ARF4: variants seen among roughly 807,000 people sequenced by gnomAD.
ARF4 encodes the protein ADP-ribosylation factor 4.
Under a neutral mutation model 24.3 loss-of-function variants are expected in ARF4, and 5 were observed. That is an observed-to-expected ratio of 0.21 (90% CI 0.11 to 0.43). The LOEUF is 0.43. ARF4 is among the 20% of genes least tolerant of loss of function. The probability of loss-of-function intolerance (pLI) is 1.00; values close to 1 mark genes in which losing one functional copy is unlikely to be tolerated. For missense variants in ARF4, 107 were observed against 213.0 expected (o/e 0.50, Z 3.10); for synonymous variants, 62 against 73.5 (o/e 0.84, Z 0.80).
At chr3:57,588,714 T>G (rs2070068184) in intron 1 of ARF4, among the ~76,000 whole-genome samples, 2 of 117,330 alleles carry the variant, frequency 1.7e-5, no homozygotes, top group Non-Finnish European at 3.5e-5. Context: ...CCCAGCATGT[T>G]GGGAGGCTGA....
chr3:57,579,806 C>G lies in ARF4; in HGVS notation c.259-2419G>C, dbSNP rs1276905429. On this transcript the variant is annotated intron_variant, in intron 3 of 5. Coordinates refer to ENST00000303436, the MANE Select transcript of ARF4 (RefSeq NM_001660.4). ...CCTGGAAAACCATCACTTTAAATATCCTATCCTTTGAGAAAACTTTTGGCT... is the reference window on the plus strand; with the variant it reads ...CCTGGAAAACCATCACTTTAAATATGCTATCCTTTGAGAAAACTTTTGGCT... Among the ~76,000 whole-genome samples, 5 of 152,186 alleles carry G rather than the reference C, an allele frequency of 3.3e-5. No individual in the cohort carries two copies. The South Asian group carries it at 1.0e-3, about 32-fold the overall frequency.
At chr3:57,581,652 T>A (rs954039726) in intron 3 of ARF4, among the ~76,000 whole-genome samples, 1 of 152,002 alleles carries the variant, frequency 6.6e-6, no homozygotes, top group Non-Finnish European at 1.5e-5. Context: ...AATACAAAAT[T>A]AGCCAGGTGT....
chr3:57,581,557 T>G (rs1437057776), intron 3 of ARF4, among the ~76,000 whole-genome samples: 1 of 152,180 alleles, frequency 6.6e-6, no homozygotes, highest in Non-Finnish European at 1.5e-5. Context: ...TCCCAGCACT[T>G]TGGGAAGCCC....
intron 5 of ARF4, among the ~76,000 whole-genome samples, chr3:57,573,474 T>C (rs2153408303): frequency 6.6e-6 from 1 of 152,316 alleles, no homozygotes; most frequent in Non-Finnish European, 1.5e-5. Flanking sequence ...ATTATTTGAA[T>C]ACCAAATCTC....
intron 3 of ARF4, 27 bp downstream of exon 3, chr3:57,583,871 G>C (rs1484919997): frequency 2.0e-6 from 3 of 1,477,894 alleles, no homozygotes; most frequent in Non-Finnish European, 9.3e-7. Flanking sequence ...ACAAAGAAAA[G>C]TTATAAAAAC....
At chr3:57,591,756 C>T (rs778793839) in intron 1 of ARF4, among the ~76,000 whole-genome samples, 3 of 152,082 alleles carry the variant, frequency 2.0e-5, no homozygotes, top group Non-Finnish European at 4.4e-5. Context: ...TGAGCCACCG[C>T]GCCCGGCCAT....
chr3:57,593,064 G>A (rs1404322948), intron 1 of ARF4, among the ~76,000 whole-genome samples: 7 of 151,950 alleles, frequency 4.6e-5, no homozygotes, highest in African/African-American at 1.7e-4. Context: ...AAAATTAGCC[G>A]GGCATAGTGG....
chr3:57,587,653 AG>A (rs768683146), intron 1 of ARF4, among the ~76,000 whole-genome samples: 31 of 152,194 alleles, frequency 2.0e-4, no homozygotes, highest in Non-Finnish European at 4.1e-4. Flanking sequence ...CGACTGCTTG[AG>A]GGCTTTAAAT....
intron 1 of ARF4, among the ~76,000 whole-genome samples, chr3:57,585,100 G>A (rs1171590128): frequency 6.6e-6 from 1 of 152,144 alleles, no homozygotes; most frequent in Non-Finnish European, 1.5e-5. Context: ...CTGGCCTCAA[G>A]TGATCTGCCA....
chr3:57,579,062 C>T (rs145261753), intron 3 of ARF4, among the ~76,000 whole-genome samples: 2,536 of 151,674 alleles, frequency 0.017, 66 homozygotes, highest in African/African-American at 0.058. Flanking sequence ...TCTGGGAGGC[C>T]GAGGCAGGTG....
At chr3:57,581,977 C>T (rs1037600902) in intron 3 of ARF4, among the ~76,000 whole-genome samples, 4 of 152,120 alleles carry the variant, frequency 2.6e-5, no homozygotes, top group Non-Finnish European at 5.9e-5. Flanking sequence ...CAAAACTTCC[C>T]GAGCACCAAC....
chr3:57,578,337 TG>T, intron 3 of ARF4, among the ~76,000 whole-genome samples: 1 of 151,410 alleles, frequency 6.6e-6, no homozygotes, highest in Non-Finnish European at 1.5e-5. Flanking sequence ...GGAGGATCAC[TG>T]GAGCCCAGCA....
chr3:57,594,672 T>C (rs967993110), intron 1 of ARF4, among the ~76,000 whole-genome samples: 4 of 152,208 alleles, frequency 2.6e-5, no homozygotes, highest in Middle Eastern at 3.2e-3. Context: ...CTTTATACTT[T>C]AAAATGGTAA....
rs1227124863 is a variant in ARF4, at chr3:57,579,037, CT to C, written c.259-1651del. On this transcript the variant is annotated intron_variant, in intron 3 of 5. Coordinates refer to ENST00000303436, the MANE Select transcript of ARF4 (RefSeq NM_001660.4). ...CGAGGCTGGTTGAGGTGGCTTTCGC[CT>C]GTAATCCCAGCATTCTGGGAGGCCG... 2.6e-5 allele frequency among the ~76,000 whole-genome samples: 4 copies of C among 152,116 alleles called. No individual in the cohort carries two copies. The East Asian group carries it at 7.8e-4, about 30-fold the overall frequency.
chr3:57,596,896 C>T, intron 1 of ARF4, 178 bp downstream of exon 1: 1 of 622,158 alleles, frequency 1.6e-6, no homozygotes, highest in East Asian at 2.9e-5. Context: ...AGATCGGGGG[C>T]GGGGGGGATC....
intron 1 of ARF4, 110 bp downstream of exon 1, chr3:57,596,964 G>T: frequency 1.7e-6 from 2 of 1,205,488 alleles, no homozygotes; most frequent in Non-Finnish European, 2.4e-6. Flanking sequence ...CCGACCCGGC[G>T]CCCCTCCCCC....
Position 57,580,851 on chromosome 3 carries a change from G to A in ARF4, c.258+3047C>T, listed in dbSNP as rs915937095. Among the ~76,000 whole-genome samples, 3 of 150,958 alleles carry A rather than the reference G, an allele frequency of 2.0e-5. No individual in the cohort carries two copies. The East Asian group carries it at 5.8e-4, about 29-fold the overall frequency. ...TGGCCTCAAACTCCTGAGCTCAAGC[G>A]ATCCTCCCACCTCAGCCTCCCAAAG... On this transcript the variant is annotated intron_variant, in intron 3 of 5. Coordinates refer to ENST00000303436, the MANE Select transcript of ARF4 (RefSeq NM_001660.4).
Position 57,583,414 on chromosome 3 carries a change from A to G in ARF4, c.258+484T>C, listed in dbSNP as rs193013509. Among the ~76,000 whole-genome samples the G allele has an allele frequency of 1.5e-3, 225 of 152,294 alleles. 1 individual carries two copies. The highest frequency in any genetic ancestry group is 3.9e-3 in the South Asian group (19 of 4,824). The stretch of plus-strand genomic sequence containing the variant: ...AACTCCTGTTCTACAGGATCACTAA[A>G]GTCTCTTCCATGCCAGTATTATATA... On this transcript the variant is annotated intron_variant, in intron 3 of 5. Transcript: ENST00000303436.
At position 57,597,212 on chromosome 3, in the gene ARF4, C is replaced by A; in HGVS notation, c.-72G>T. 6.2e-6 allele frequency: 9 copies of A among 1,444,046 alleles called. No individual in the cohort carries two copies. Among genetic ancestry groups the A allele is most frequent in the Non-Finnish European group, 8.7e-6 (9 of 1,036,668 alleles). The allele number at this position is 1,444,046 out of a possible 1,614,324, so 89.5% of individuals were successfully genotyped here. On this transcript the variant is annotated 5_prime_UTR_variant, in exon 1 of 6. Transcript: ENST00000303436. ...CGACCCCGTGCTTTCTCCTTTCAAG[C>A]TCCCAGGCAAACTAAACGAGAGGGA...
Sources: allele counts gnomAD v4.1 joint callset (sites outside exome capture counted in the v4.1 genomes callset), GRCh38; gene constraint gnomAD v4.1.1; transcripts MANE v1.5; gene names NCBI Gene and HGNC (gene_info 2026-07-23, HGNC 2026-07-21).